The following TRPM8 variants were observed in gnomAD, a reference collection of about 807,000 sequenced individuals.
TRPM8 encodes the protein TRPM8 cationic channel.
A neutral mutation model predicts 133.7 loss-of-function variants in TRPM8; 110 were observed. The observed-to-expected ratio is 0.82, with a 90% CI of 0.70 to 0.96. The LOEUF (loss-of-function observed/expected upper bound fraction) is 0.96. TRPM8 is among the 40% of genes least tolerant of loss of function. The pLI, the probability that TRPM8 is intolerant of heterozygous loss-of-function variation, is 0.00. For synonymous variants in TRPM8, 535 were observed against 532.3 expected (o/e 1.01, Z -0.07); for missense variants, 1,291 against 1,379.5 (o/e 0.94, Z 1.02).
At chr2:233,994,982 G>A (rs1692367776) in intron 21 of TRPM8, among the ~76,000 whole-genome samples, 1 of 152,196 alleles carries the variant, frequency 6.6e-6, no homozygotes, top group Admixed American at 6.5e-5. Flanking sequence ...AAGTGGCCCA[G>A]TAAAATCCTT....
rs1357465658 is a variant in TRPM8, at chr2:233,964,704, A to G, written c.1826A>G (p.Asn609Ser). ...CTGGCCAAAGTGAAGAACGACATCAATGCTGCTGGGGAGTCCGAGGAGCTG... is the reference window on the plus strand; with the variant it reads ...CTGGCCAAAGTGAAGAACGACATCAGTGCTGCTGGGGAGTCCGAGGAGCTG... Reference protein sequence around the residue: ...KTLAKVKNDINAAGESEELAN... With the variant: ...KTLAKVKNDISAAGESEELAN... Residue 609 changes from asparagine to serine, a missense_variant, in exon 14 of 26, where the codon AAT becomes AGT. Physicochemically the swap from Asn to Ser is conservative, Grantham distance 46 (BLOSUM62 1). Around this residue, in one of 2 missense-constraint regions of TRPM8, gnomAD observed 963 missense variants for 968.9 expected, o/e 0.99. Coordinates refer to ENST00000324695, the MANE Select transcript of TRPM8 (RefSeq NM_024080.5). 2.5e-6 allele frequency: 4 copies of G among 1,613,006 alleles called. No homozygotes were observed. The highest frequency in any genetic ancestry group is 1.1e-5 in the South Asian group (1 of 90,974).
chr2:233,981,367 A>C (rs572491501), intron 18 of TRPM8, among the ~76,000 whole-genome samples: 1 of 152,082 alleles, frequency 6.6e-6, no homozygotes, highest in African/African-American at 2.4e-5. Flanking sequence ...GGTGCAAATG[A>C]GGTAAGTTTC....
chr2:233,992,274 CT>C (rs1230405856), intron 21 of TRPM8, among the ~76,000 whole-genome samples: 2 of 151,224 alleles, frequency 1.3e-5, no homozygotes, highest in Non-Finnish European at 2.9e-5. Flanking sequence ...TATTAAGCTC[CT>C]TTCTCTTTCT....
rs1692991415 is a variant in TRPM8, at chr2:234,017,737, G to A, written c.*481G>A. 1 of 165,046 alleles carries A rather than the reference G, an allele frequency of 6.1e-6. No homozygotes were observed. The highest frequency in any genetic ancestry group is 6.2e-5 in the Admixed American group (1 of 16,002). The allele number at this position is 165,046 out of a possible 1,614,324, so 10.2% of individuals were successfully genotyped here. On this transcript the variant is annotated 3_prime_UTR_variant, in exon 26 of 26. Coordinates refer to ENST00000324695, the MANE Select transcript of TRPM8 (RefSeq NM_024080.5). ...CTAATTAGTTGGCATATTGTTAAAA[G>A]TCTCTCAAATTAGGCCAGATTCTAA...
At chr2:233,928,487 A>G (rs1452082490) in intron 2 of TRPM8, among the ~76,000 whole-genome samples, 1 of 152,188 alleles carries the variant, frequency 6.6e-6, no homozygotes, top group Non-Finnish European at 1.5e-5. Flanking sequence ...TTAAGCAACA[A>G]AGCAGTTTTA....
In TRPM8 at chr2:233,989,082, G is replaced by C. The variant is rs1257601574; in HGVS notation, c.2939+3217G>C. On this transcript the variant is annotated intron_variant, in intron 21 of 25. Transcript: ENST00000324695. The surrounding 1 kb of genome is among the most constrained non-coding windows in gnomAD (Gnocchi z 4.2). ...ATGGCCTTTGAGTTATGCTAACTTG[G>C]TAAATCTCAACGAGGCACATGGTAA... Among the ~76,000 whole-genome samples, 2 of 152,186 alleles carry C rather than the reference G, an allele frequency of 1.3e-5. No individual in the cohort carries two copies.
chr2:233,951,840 A>C (rs1191964315), intron 9 of TRPM8, among the ~76,000 whole-genome samples: 1 of 152,188 alleles, frequency 6.6e-6, no homozygotes, highest in Non-Finnish European at 1.5e-5. Context: ...TGGGATTATT[A>C]ATTAATGAAT....
chr2:233,939,073 C>T lies in TRPM8; in HGVS notation c.424C>T (p.Pro142Ser), dbSNP rs765205925. The part of the protein sequence containing the change: ...LLTQHWHLKT[P>S]NLVISVTGGA... ...GACCCAGCACTGGCACCTGAAAACA[C>T]CCAACCTGGTCATTTCTGTGACCGG... Residue 142 changes from proline (P) to serine (S), a missense_variant, in exon 5 of 26, where the codon CCC becomes TCC. Physicochemically the swap from Pro to Ser is moderately conservative, Grantham distance 74. This residue lies in a region of TRPM8 where 963 missense variants were observed against 968.9 expected (regional missense o/e 0.99). Transcript: ENST00000324695. The T allele has an allele frequency of 1.9e-6, 3 of 1,614,224 alleles. No homozygotes were observed. The Admixed American group carries it at 5.0e-5, about 27-fold the overall frequency.
rs201721024 is a variant in TRPM8 at position 234,008,119 on chromosome 2, T to C, written c.3264+16T>C. On this transcript the variant is annotated intron_variant, in intron 24 of 25. Transcript: ENST00000324695. ...GGATACAAAGGTATGGTTCTGTTAA[T>C]AGTTTGGATTTTTTTTTTTTTTTGG... is the stretch of plus-strand genomic sequence containing the variant. The C allele has an allele frequency of 6.3e-7, 1 of 1,588,522 alleles. No individual in the cohort carries two copies. Among genetic ancestry groups the C allele is most frequent in the Non-Finnish European group, 8.5e-7 (1 of 1,173,998 alleles).
At chr2:233,976,754 T>G (rs1365717766) in intron 17 of TRPM8, among the ~76,000 whole-genome samples, 1 of 152,182 alleles carries the variant, frequency 6.6e-6, no homozygotes, top group Non-Finnish European at 1.5e-5. Flanking sequence ...GTGTTCCAGG[T>G]GGCTCTGCCA....
chr2:233,985,993 G>T, intron 21 of TRPM8, 128 bp downstream of exon 21: 1 of 889,892 alleles, frequency 1.1e-6, no homozygotes, highest in Non-Finnish European at 1.7e-6. Context: ...TTGGGGGATT[G>T]GTGGACTGGA....
intron 25 of TRPM8, 131 bp from the exon 26 acceptor site, chr2:234,017,168 C>G (rs1692975859): frequency 1.2e-5 from 4 of 345,486 alleles, no homozygotes; most frequent in South Asian, 6.8e-5. Flanking sequence ...AAAAAAATCT[C>G]TCAACTTTGG....
chr2:233,947,028 C>G, intron 7 of TRPM8, 60 bp from the exon 8 acceptor site: 6 of 1,520,878 alleles, frequency 3.9e-6, no homozygotes, highest in Non-Finnish European at 5.4e-6. Flanking sequence ...CAACTTTTCA[C>G]AGAGGTAGGT....
Position 234,019,449 on chromosome 2 carries a change from C to G in TRPM8, c.*2193C>G, listed in dbSNP as rs1693041232. 6.6e-6 allele frequency: 1 copy of G among 152,170 alleles called. No homozygotes were observed. Among genetic ancestry groups the G allele is most frequent in the African/African-American group, 2.4e-5 (1 of 41,442 alleles). The allele number at this position is 152,170 out of a possible 1,614,324, so 9.4% of individuals were successfully genotyped here. A position where few individuals can be genotyped will look rare whatever the true frequency, so the allele number is the denominator to read the frequency against. The stretch of plus-strand genomic sequence containing the variant: ...TATGGTACTAAATGTGTCCTGTGTA[C>G]TTTTGCACAACTGAGAATCCTGCAG... On this transcript the variant is annotated 3_prime_UTR_variant, in exon 26 of 26. Transcript: ENST00000324695.
At chr2:234,013,836 C>CTTATAGT (rs1339579128) in intron 24 of TRPM8, 1 of 152,086 alleles carries the variant, frequency 6.6e-6, no homozygotes, top group East Asian at 1.9e-4. Context: ...GCCGTTAGCA[C>CTTATAGT]TTATAGTTTC....
chr2:234,012,308 C>T (rs754478233), intron 24 of TRPM8, among the ~76,000 whole-genome samples: 3 of 151,908 alleles, frequency 2.0e-5, no homozygotes, highest in Non-Finnish European at 2.9e-5. Context: ...CCACCATGCC[C>T]GGCTAATTTT....
chr2:233,981,653 A>G, intron 18 of TRPM8, 121 bp from the exon 19 acceptor site: 3 of 987,874 alleles, frequency 3.0e-6, no homozygotes, highest in Non-Finnish European at 4.4e-6. Context: ...TTTCTGGCCT[A>G]TTTTCACTCA....
At chr2:234,014,738 T>A in intron 25 of TRPM8, 84 bp downstream of exon 25, 1 of 521,158 alleles carries the variant, frequency 1.9e-6, no homozygotes, top group South Asian at 3.2e-5. Flanking sequence ...TTTTCCTCAG[T>A]TATTTTATTT....
chr2:233,949,960 C>G lies in TRPM8; in HGVS notation c.954C>G (p.Thr318=). 4 of 1,614,140 alleles carry G rather than the reference C, an allele frequency of 2.5e-6. No homozygotes were observed. Among genetic ancestry groups the G allele is most frequent in the Middle Eastern group, 1.7e-4 (1 of 6,034 alleles). Residue 318 remains threonine, a synonymous_variant, in exon 9 of 26, where the codon ACC becomes ACG. Transcript: ENST00000324695. ...TCTCCTTCCTCCAGGCCATCAATAC[C>G]TCCATCAAAAATAAAATTCCTTGTG... ...GGKETLKAIN[T]SIKNKIPCVV... is the part of the protein sequence containing the mutation.
Sources: gnomAD v4.1 joint callset for allele counts (sites outside exome capture counted in the v4.1 genomes callset) on GRCh38, gnomAD v4.1.1 for gene constraint, gnomAD v4.1.1 regional missense constraint, Gnocchi (gnomAD v3.1) non-coding constraint, MANE v1.5 for transcripts, NCBI Gene and HGNC (gene_info 2026-07-23, HGNC 2026-07-21) for gene names.